The following SOX5 variants were observed in gnomAD, a reference collection of about 807,000 sequenced individuals.
SOX5 encodes the protein SRY-box transcription factor 5.
SOX5 carries 9 observed loss-of-function variants against 92.0 expected under a neutral mutation model. The observed-to-expected ratio is 0.10, with a 90% CI of 0.06 to 0.17. The LOEUF is 0.17. Among genes scored for constraint, SOX5 ranks in the 10% least tolerant of loss-of-function variants. SOX5 has a pLI of 1.00. For synonymous variants in SOX5, 344 were observed against 336.3 expected, an observed-to-expected ratio of 1.02 and a Z score of -0.25; for missense variants, 642 against 944.5, an observed-to-expected ratio of 0.68 and a Z score of 4.20.
At chr12:23,888,262 C>A (rs2097092418) in intron 2 of SOX5, among the ~76,000 whole-genome samples, 1 of 152,036 alleles carries the variant, frequency 6.6e-6, no homozygotes, top group Non-Finnish European at 1.5e-5. Context: ...TCCATTAGAC[C>A]AAATCTTTTC....
intron 13 of SOX5, among the ~76,000 whole-genome samples, chr12:23,542,536 A>C (rs1401870381): frequency 6.6e-6 from 1 of 152,180 alleles, no homozygotes; most frequent in Non-Finnish European, 1.5e-5. Context: ...TGTGTGCTAC[A>C]GTCTCTGTGT....
At chr12:24,529,702 C>T (rs938332623) in intron 1 of SOX5, among the ~76,000 whole-genome samples, 5 of 152,084 alleles carry the variant, frequency 3.3e-5, no homozygotes, top group African/African-American at 7.2e-5. Context: ...TTATCGCTTG[C>T]AGAGCTAGTG....
chr12:24,180,167 G>A (rs764946759), intron 4 of SOX5, among the ~76,000 whole-genome samples: 1 of 152,072 alleles, frequency 6.6e-6, no homozygotes, highest in African/African-American at 2.4e-5. Context: ...ATGTTGCCCA[G>A]GCTGGTCTCA....
At chr12:24,026,206 G>C (rs180904514) in intron 4 of SOX5, among the ~76,000 whole-genome samples, 1 of 152,002 alleles carries the variant, frequency 6.6e-6, no homozygotes, top group African/African-American at 2.4e-5. Context: ...GGGTAACCAC[G>C]GGAGTGAAGG....
intron 10 of SOX5, among the ~76,000 whole-genome samples, chr12:23,569,094 G>A (rs1947678777): frequency 6.6e-6 from 1 of 152,196 alleles, no homozygotes; most frequent in South Asian, 2.1e-4. Flanking sequence ...GGGGGGCTGA[G>A]GCAGAGAACT....
chr12:23,580,439 C>A (rs1443680441), intron 9 of SOX5, among the ~76,000 whole-genome samples: 2 of 151,950 alleles, frequency 1.3e-5, no homozygotes, highest in Non-Finnish European at 2.9e-5. Flanking sequence ...CGCAAATTCA[C>A]TTATCTTGGT....
chr12:23,898,670 A>G (rs983998458), intron 1 of SOX5, among the ~76,000 whole-genome samples: 3 of 152,222 alleles, frequency 2.0e-5, no homozygotes, highest in African/African-American at 7.2e-5. Flanking sequence ...TATTCTCTAT[A>G]TATAGCATTC....
chr12:24,193,141 C>T lies in SOX5; in HGVS notation c.-2+20202G>A, dbSNP rs1956689753. ...ACGAAAAACTGTAGCGCCATATATC[C>T]CAGCAATGACAACGATAAAAACCCC... On this transcript the variant is annotated intron_variant, in intron 4 of 4. Transcript: ENST00000446891. Among the ~76,000 whole-genome samples the T allele has an allele frequency of 1.3e-5, 2 of 152,082 alleles. 1 individual carries two copies. The highest frequency in any genetic ancestry group is 4.2e-4 in the South Asian group (2 of 4,812).
At chr12:24,002,050 T>TA (rs1335783744) in intron 4 of SOX5, among the ~76,000 whole-genome samples, 1 of 152,122 alleles carries the variant, frequency 6.6e-6, no homozygotes, top group Non-Finnish European at 1.5e-5. Flanking sequence ...TGGATACAGC[T>TA]AAAGTAGTGC....
At chr12:24,227,796 T>A (rs1217840083) in intron 3 of SOX5, 1 of 152,202 alleles carries the variant, frequency 6.6e-6, no homozygotes, top group Non-Finnish European at 1.5e-5. Context: ...ATGAGTACTG[T>A]CATCTCAAAT....
intron 1 of SOX5, among the ~76,000 whole-genome samples, chr12:23,917,133 A>C (rs2097424791): frequency 2.0e-5 from 3 of 152,216 alleles, no homozygotes; most frequent in Admixed American, 1.3e-4. Flanking sequence ...CTAGCATATA[A>C]ACAGATAATC....
intron 1 of SOX5, among the ~76,000 whole-genome samples, chr12:23,908,939 C>T (rs2097322313): frequency 6.6e-6 from 1 of 151,948 alleles, no homozygotes; most frequent in South Asian, 2.1e-4. Flanking sequence ...CCCCATTAAT[C>T]TTTCTAGTTT....
chr12:23,865,014 TC>T (rs1242402466), intron 2 of SOX5, among the ~76,000 whole-genome samples: 3 of 152,184 alleles, frequency 2.0e-5, no homozygotes, highest in African/African-American at 7.2e-5. Context: ...GGTCAGTACA[TC>T]TTAAAGTTAA....
At chr12:24,398,940 C>T (rs73281497) in intron 1 of SOX5, among the ~76,000 whole-genome samples, 10,492 of 152,170 alleles carry the variant, frequency 0.069, 545 homozygotes, top group African/African-American at 0.14. Context: ...CAGGGAGTTG[C>T]CAAGGTGGAC....
chr12:24,292,509 G>A (rs1053840929), intron 2 of SOX5, among the ~76,000 whole-genome samples: 11 of 152,090 alleles, frequency 7.2e-5, no homozygotes, highest in African/African-American at 2.7e-4. Context: ...AACTCATTAG[G>A]GGAAGACAGA....
intron 2 of SOX5, among the ~76,000 whole-genome samples, chr12:24,318,559 G>A (rs1009648810): frequency 1.3e-5 from 2 of 152,066 alleles, no homozygotes; most frequent in African/African-American, 4.8e-5. Context: ...TTGTTATTCT[G>A]GCTTATCCTA....
intron 4 of SOX5, among the ~76,000 whole-genome samples, chr12:23,982,240 C>T (rs1298186455): frequency 6.6e-6 from 1 of 152,152 alleles, no homozygotes; most frequent in Admixed American, 6.5e-5. Flanking sequence ...AGAAAAATGA[C>T]TTTCTCTGCT....
chr12:23,614,691 G>A (rs2076345722), intron 8 of SOX5, among the ~76,000 whole-genome samples: 1 of 152,220 alleles, frequency 6.6e-6, no homozygotes, highest in African/African-American at 2.4e-5. Flanking sequence ...GATTTGTTGA[G>A]TAATGTGGTA....
chr12:24,026,852 T>C (rs1407377778), intron 4 of SOX5, among the ~76,000 whole-genome samples: 2 of 151,908 alleles, frequency 1.3e-5, no homozygotes, highest in Non-Finnish European at 2.9e-5. Context: ...GAATATAAAA[T>C]CTGAGGCCAC....
Sources: allele counts gnomAD v4.1 joint callset (sites outside exome capture counted in the v4.1 genomes callset), GRCh38; gene constraint gnomAD v4.1.1; transcripts MANE v1.5; gene names NCBI Gene and HGNC (gene_info 2026-07-23, HGNC 2026-07-21).